MLKL: variants seen among roughly 807,000 people sequenced by gnomAD.
MLKL encodes the protein mixed lineage kinase domain-like protein.
In MLKL, 55 loss-of-function variants were observed where a neutral mutation model predicts 56.5. The observed-to-expected ratio is 0.97, with a 90% CI of 0.78 to 1.22. The LOEUF is 1.22. Ranked by LOEUF, MLKL falls within the 50% of genes most tolerant of loss-of-function variation. The probability of loss-of-function intolerance (pLI) is 0.00; values close to 1 mark genes in which losing one functional copy is unlikely to be tolerated. For synonymous variants in MLKL, 251 were observed against 208.3 expected, an observed-to-expected ratio of 1.20 and a Z score of -1.76; for missense variants, 694 against 573.9, an observed-to-expected ratio of 1.21 and a Z score of -2.14.
intron 6 of MLKL, among the ~76,000 whole-genome samples, chr16:74,679,387 A>G (rs1270096995): frequency 6.6e-6 from 1 of 152,188 alleles, no homozygotes. Flanking sequence ...ACTTCCAGAC[A>G]AGGGCTTTGG....
intron 1 of MLKL, among the ~76,000 whole-genome samples, chr16:74,696,885 G>C (rs886608379): frequency 6.7e-6 from 1 of 148,482 alleles, no homozygotes; most frequent in East Asian, 1.9e-4. Flanking sequence ...TTGAACCCAG[G>C]GGGTGGAGGT....
At chr16:74,696,012 T>C (rs1961019761) in intron 1 of MLKL, among the ~76,000 whole-genome samples, 2 of 152,218 alleles carry the variant, frequency 1.3e-5, no homozygotes, top group Non-Finnish European at 2.9e-5. Flanking sequence ...GATGTGGCCA[T>C]GTGACTAGTT....
At position 74,684,724 on chromosome 16, in the gene MLKL, G is replaced by A. The variant is rs559027749; in HGVS notation, c.820+762C>T. Among the ~76,000 whole-genome samples, 254 of 152,156 alleles carry A rather than the reference G, an allele frequency of 1.7e-3. 1 individual carries two copies. Among genetic ancestry groups the A allele is most frequent in the African/African-American group, 5.5e-3 (228 of 41,524 alleles). On this transcript the variant is annotated intron_variant, in intron 5 of 10. Coordinates refer to ENST00000308807, the MANE Select transcript of MLKL (RefSeq NM_152649.4). ...TTGGCCAGGACGGTCTCAAGCTCCTGACCTTGTGATCCACCCACCTCAGCC... is the reference window on the plus strand; with the variant it reads ...TTGGCCAGGACGGTCTCAAGCTCCTAACCTTGTGATCCACCCACCTCAGCC...
intron 1 of MLKL, among the ~76,000 whole-genome samples, chr16:74,699,692 T>G (rs1165189779): frequency 6.6e-6 from 1 of 152,162 alleles, no homozygotes; most frequent in African/African-American, 2.4e-5. Flanking sequence ...CCCAGCACTT[T>G]GGGAGGGTGA....
chr16:74,685,446 G>A (rs1457485099), intron 5 of MLKL, 40 bp downstream of exon 5: 1 of 1,478,926 alleles, frequency 6.8e-7, no homozygotes, highest in Admixed American at 1.7e-5. Context: ...GTGTGTTCTA[G>A]GCCATCCAAA....
chr16:74,684,086 T>C (rs1046875501), intron 5 of MLKL, among the ~76,000 whole-genome samples: 1 of 151,938 alleles, frequency 6.6e-6, no homozygotes, highest in African/African-American at 2.4e-5. Context: ...TAGCTGGGAC[T>C]ACAGGCACCC....
At chr16:74,683,036 T>G (rs1390865643) in intron 5 of MLKL, among the ~76,000 whole-genome samples, 1 of 151,882 alleles carries the variant, frequency 6.6e-6, no homozygotes, top group Non-Finnish European at 1.5e-5. Flanking sequence ...ATTGGCTGGG[T>G]GCGTTGGCTC....
chr16:74,678,574 A>C (rs1457234932), intron 7 of MLKL, among the ~76,000 whole-genome samples: 2 of 152,230 alleles, frequency 1.3e-5, no homozygotes, highest in Non-Finnish European at 2.9e-5. Context: ...ACTTGAGGCC[A>C]GGAGTTCAAA....
At chr16:74,691,838 G>A (rs1281430029) in intron 3 of MLKL, among the ~76,000 whole-genome samples, 1 of 152,158 alleles carries the variant, frequency 6.6e-6, no homozygotes, top group Non-Finnish European at 1.5e-5. Flanking sequence ...TTCAGATCTA[G>A]TAGTTAGGGA....
At chr16:74,692,573 C>A (rs1211543661) in intron 2 of MLKL, among the ~76,000 whole-genome samples, 157 bp from the exon 3 acceptor site, 1 of 152,230 alleles carries the variant, frequency 6.6e-6, no homozygotes, top group Non-Finnish European at 1.5e-5. Context: ...CAGATTTCTA[C>A]TTCTGAGCAC....
At chr16:74,683,572 T>A (rs1960128534) in intron 5 of MLKL, among the ~76,000 whole-genome samples, 1 of 149,052 alleles carries the variant, frequency 6.7e-6, no homozygotes, top group Non-Finnish European at 1.5e-5. Context: ...CCAGCCTGAG[T>A]GACAGAATGA....
chr16:74,694,462 A>G (rs79469322), intron 2 of MLKL, among the ~76,000 whole-genome samples: 14,146 of 150,428 alleles, frequency 0.094, 1,258 homozygotes, highest in African/African-American at 0.23. Context: ...CTGCAGTGCA[A>G]TGGAGAAATC....
rs547050876 is a variant in MLKL at position 74,695,839 on chromosome 16, G to A, written c.-2-80C>T. ...ACTTGGCTAAGAAAGAATCAAAGCG[G>A]TCTGTGACTTAAATGCCTGAGGAGG... On this transcript the variant is annotated intron_variant, in intron 1 of 10. Coordinates refer to ENST00000308807, the MANE Select transcript of MLKL (RefSeq NM_152649.4). 396 of 1,291,306 alleles carry A rather than the reference G, an allele frequency of 3.1e-4. 1 individual carries two copies. The African/African-American group carries it at 5.5e-3, about 18-fold the overall frequency. 80.0% of individuals were successfully genotyped at this position (1,291,306 alleles called of 1,614,324 possible).
rs1417877222 is a variant in MLKL at position 74,682,672 on chromosome 16, C to T, written c.935G>A (p.Gly312Glu). The change falls in exon 6 of 11, where the codon GGG becomes GAG. Residue 312 changes from glycine to glutamate, a missense_variant. Gly to Glu is a moderately conservative substitution (Grantham distance 98, BLOSUM62 -2). Transcript: ENST00000308807. ...TTACCGGTATAGGCCTCGGGCTGCC[C>T]CCAGGACTAGGACCATGCGCTTGCC... ...TLGKRMVLVLGAARGLYRLHH... is the reference protein window; with the variant it reads ...TLGKRMVLVLEAARGLYRLHH... 1 of 1,614,098 alleles carries T rather than the reference C, an allele frequency of 6.2e-7. No homozygotes were observed. Among genetic ancestry groups the T allele is most frequent in the South Asian group, 1.1e-5 (1 of 91,078 alleles).
rs1029256451 is a variant in MLKL, at chr16:74,691,714, G to A, written c.536-251C>T. Among the ~76,000 whole-genome samples the A allele has an allele frequency of 9.9e-5, 15 of 151,994 alleles. No homozygotes were observed. In the East Asian group the frequency reaches 1.5e-3, roughly 16 times the overall value. On this transcript the variant is annotated intron_variant, in intron 3 of 10. Coordinates refer to ENST00000308807, the MANE Select transcript of MLKL (RefSeq NM_152649.4). ...TTCCTTTCCCTCCTCTTCAAATCCC[G>A]CCTGTCCCTCCAGCCTTAACCCTCA...
chr16:74,693,803 C>T (rs868057432), intron 2 of MLKL, among the ~76,000 whole-genome samples: 14 of 152,050 alleles, frequency 9.2e-5, no homozygotes, highest in African/African-American at 3.4e-4. Context: ...CGGGGTTTCA[C>T]CGTGTTAGCC....
At chr16:74,688,618 G>C (rs953925078) in intron 4 of MLKL, among the ~76,000 whole-genome samples, 2 of 152,056 alleles carry the variant, frequency 1.3e-5, no homozygotes, top group Non-Finnish European at 2.9e-5. Flanking sequence ...GGAGGCTGAG[G>C]CATGAGAATT....
intron 5 of MLKL, among the ~76,000 whole-genome samples, chr16:74,684,568 C>T (rs1472927024): frequency 4.0e-5 from 6 of 151,470 alleles, no homozygotes; most frequent in African/African-American, 7.3e-5. Context: ...GATCTCGGCT[C>T]ACTGCAAACT....
intron 7 of MLKL, chr16:74,676,687 G>A (rs771347108): frequency 9.5e-5 from 15 of 157,426 alleles, no homozygotes; most frequent in African/African-American, 3.6e-4. Context: ...GGCAAAAAAG[G>A]CCTGTCTGCT....
Sources: gnomAD v4.1 joint callset for allele counts (sites outside exome capture counted in the v4.1 genomes callset) on GRCh38, gnomAD v4.1.1 for gene constraint, MANE v1.5 for transcripts, NCBI Gene and HGNC (gene_info 2026-07-23, HGNC 2026-07-21) for gene names.